The following MAP3K7 variants were observed in gnomAD, a reference collection of about 807,000 sequenced individuals.
MAP3K7 encodes TGF-beta activated kinase 1.
MAP3K7 carries 21 observed loss-of-function variants against 84.8 expected under a neutral mutation model. That is an observed-to-expected ratio of 0.25 (90% CI 0.18 to 0.36). The LOEUF (loss-of-function observed/expected upper bound fraction) is 0.36. Ranked by LOEUF, MAP3K7 falls within the 10% of genes least tolerant of loss-of-function variation. The pLI, the probability that MAP3K7 is intolerant of heterozygous loss-of-function variation, is 1.00. For synonymous variants in MAP3K7, 241 were observed against 247.7 expected (o/e 0.97, Z 0.25); for missense variants, 503 against 747.7 (o/e 0.67, Z 3.82).
rs34414653 is a variant in MAP3K7 at position 90,546,494 on chromosome 6, A to G, written c.1210+764T>C. On this transcript the variant is annotated intron_variant, in intron 11 of 16. Transcript: ENST00000369329. ...TTTACATTTCCACATTTTCCACAACAGAAACGTGTTTACTTTTAAAATCAG... is the reference window on the plus strand; with the variant it reads ...TTTACATTTCCACATTTTCCACAACGGAAACGTGTTTACTTTTAAAATCAG... Among the ~76,000 whole-genome samples, 275 of 152,290 alleles carry G rather than the reference A, an allele frequency of 1.8e-3. 2 individuals carry two copies. The highest frequency in any genetic ancestry group is 3.3e-3 in the Non-Finnish European group (225 of 68,006).
At chr6:90,537,059 T>C (rs1347665775) in intron 12 of MAP3K7, 1 of 152,062 alleles carries the variant, frequency 6.6e-6, no homozygotes, top group Non-Finnish European at 1.5e-5. Flanking sequence ...AACTTCTATG[T>C]TTATAATTAA....
intron 11 of MAP3K7, among the ~76,000 whole-genome samples, chr6:90,545,549 G>C (rs1288458590): frequency 6.6e-6 from 1 of 152,134 alleles, no homozygotes; most frequent in African/African-American, 2.4e-5. Context: ...AAGCATGAGG[G>C]TATGTCCCGG....
At position 90,540,035 on chromosome 6, in the gene MAP3K7, C is replaced by T. The variant is rs372104766; in HGVS notation, c.1292-3634G>A. Among the ~76,000 whole-genome samples, 653 of 151,964 alleles carry T rather than the reference C, an allele frequency of 4.3e-3. 4 individuals carry two copies. The highest frequency in any genetic ancestry group is 0.015 in the African/African-American group (622 of 41,502). ...CTAAATGCGGCTGAAATCATAAGGA[C>T]ACCTAAGGTTTCTTTTTAGCTTTAA... On this transcript the variant is annotated intron_variant, in intron 12 of 16. Coordinates refer to ENST00000369329, the MANE Select transcript of MAP3K7 (RefSeq NM_145331.3).
chr6:90,525,244 T>C (rs545587308), intron 13 of MAP3K7, among the ~76,000 whole-genome samples: 9 of 152,292 alleles, frequency 5.9e-5, no homozygotes, highest in Admixed American at 3.3e-4. Context: ...ATAAGGTACC[T>C]ATATTAATAT....
chr6:90,526,097 C>T (rs551271793), intron 13 of MAP3K7, among the ~76,000 whole-genome samples: 1 of 152,130 alleles, frequency 6.6e-6, no homozygotes, highest in South Asian at 2.1e-4. Flanking sequence ...CCCACCTTGG[C>T]CTCCCAAAGT....
intron 2 of MAP3K7, among the ~76,000 whole-genome samples, chr6:90,569,259 AC>A (rs35608602): frequency 0.056 from 8,553 of 152,156 alleles, 330 homozygotes; most frequent in Middle Eastern, 0.092. Context: ...CCCTCTGTAT[AC>A]TTGCCTCCAT....
chr6:90,558,412 C>A (rs1419079119), intron 5 of MAP3K7, among the ~76,000 whole-genome samples: 1 of 151,886 alleles, frequency 6.6e-6, no homozygotes, highest in African/African-American at 2.4e-5. Context: ...AAAATCATAG[C>A]CATTCCAAAG....
At chr6:90,559,481 T>G (rs906344521) in intron 5 of MAP3K7, among the ~76,000 whole-genome samples, 1 of 152,180 alleles carries the variant, frequency 6.6e-6, no homozygotes, top group Non-Finnish European at 1.5e-5. Flanking sequence ...ATGTTTTATG[T>G]GTATGTTTTC....
At chr6:90,550,845 T>TA (rs1776158543) in intron 8 of MAP3K7, 1 of 232,358 alleles carries the variant, frequency 4.3e-6, no homozygotes, top group African/African-American at 2.3e-5. Flanking sequence ...AACATACTCA[T>TA]GTTCTTACAG....
intron 8 of MAP3K7, chr6:90,551,604 A>C (rs1002122566): frequency 1.3e-5 from 2 of 152,480 alleles, no homozygotes; most frequent in African/African-American, 4.8e-5. Context: ...CTGAGAATGC[A>C]ACCTATTGCC....
intron 13 of MAP3K7, among the ~76,000 whole-genome samples, chr6:90,531,525 G>A (rs1775504337): frequency 6.6e-6 from 1 of 152,224 alleles, no homozygotes; most frequent in South Asian, 2.1e-4. Context: ...TATACATGAA[G>A]GTTGTACTGA....
At chr6:90,555,078 T>A (rs2127976056) in intron 6 of MAP3K7, among the ~76,000 whole-genome samples, 1 of 152,332 alleles carries the variant, frequency 6.6e-6, no homozygotes, top group African/African-American at 2.4e-5. Context: ...ATCACATACC[T>A]TCAGTTCAAC....
At chr6:90,552,939 C>T (rs1776226950) in intron 7 of MAP3K7, among the ~76,000 whole-genome samples, 1 of 152,152 alleles carries the variant, frequency 6.6e-6, no homozygotes, top group Admixed American at 6.5e-5. Context: ...CTCTCTAGGC[C>T]TCAGTTTCCT....
rs542423705 is a variant in MAP3K7 at position 90,544,595 on chromosome 6, A to C, written c.1248T>G (p.Ala416=). The C allele has an allele frequency of 6.2e-7, 1 of 1,612,592 alleles. No homozygotes were observed. The highest frequency in any genetic ancestry group is 8.5e-7 in the Non-Finnish European group (1 of 1,178,950). ...SKPKRGHRKT[A]SFGNILDVPE... ...GGACATCCAGAATGTTGCCAAATGA[A>C]GCAGTTTTACGGTGGCCCCGTTTAG... is the stretch of plus-strand genomic sequence containing the variant. The change falls in exon 12 of 17, where the codon GCT becomes GCG. Residue 416 remains alanine (A), a synonymous_variant. Transcript: ENST00000369329.
At chr6:90,580,149 C>G (rs1004608226) in intron 1 of MAP3K7, among the ~76,000 whole-genome samples, 3 of 152,078 alleles carry the variant, frequency 2.0e-5, no homozygotes, top group African/African-American at 7.2e-5. Context: ...ACTGCAAAGG[C>G]CAAGCCTAAA....
chr6:90,532,103 T>C (rs1029741845), intron 13 of MAP3K7, among the ~76,000 whole-genome samples: 2 of 152,062 alleles, frequency 1.3e-5, no homozygotes, highest in South Asian at 4.1e-4. Flanking sequence ...AGAATGAAGA[T>C]GGAAAAAAGT....
intron 13 of MAP3K7, among the ~76,000 whole-genome samples, chr6:90,529,499 G>A (rs1379704965): frequency 6.6e-6 from 1 of 152,170 alleles, no homozygotes; most frequent in Non-Finnish European, 1.5e-5. Context: ...AGAAAAAGTA[G>A]TAGCAGTAAG....
intron 16 of MAP3K7, 64 bp downstream of exon 16, chr6:90,518,383 C>A: frequency 2.3e-6 from 2 of 851,274 alleles, no homozygotes; most frequent in South Asian, 1.6e-5. Context: ...TTCATTGCAC[C>A]TTATCATATT....
chr6:90,525,425 G>A (rs79411769), intron 13 of MAP3K7, among the ~76,000 whole-genome samples: 1 of 152,136 alleles, frequency 6.6e-6, no homozygotes, highest in Admixed American at 6.5e-5. Flanking sequence ...CTGGCCCCAA[G>A]TGACCCTCTT....
Sources: allele counts gnomAD v4.1 joint callset (sites outside exome capture counted in the v4.1 genomes callset), GRCh38; gene constraint gnomAD v4.1.1; transcripts MANE v1.5; gene names NCBI Gene and HGNC (gene_info 2026-07-23, HGNC 2026-07-21).